MLLT3: variants seen among roughly 807,000 people sequenced by gnomAD.
MLLT3 encodes MLLT3 super elongation complex subunit, also known as protein AF-9.
MLLT3 carries 4 observed loss-of-function variants against 53.2 expected under a neutral mutation model. The observed-to-expected ratio is 0.08, with a 90% CI of 0.04 to 0.17. The LOEUF is 0.17. Among genes scored for constraint, MLLT3 ranks in the 10% least tolerant of loss-of-function variants. MLLT3 has a pLI of 1.00. For synonymous variants in MLLT3, 283 were observed against 230.6 expected (o/e 1.23, Z -2.06); for missense variants, 569 against 684.0 (o/e 0.83, Z 1.87).
In MLLT3 at chr9:20,448,257, T is replaced by C; in HGVS notation, c.286A>G (p.Arg96Gly). 6.2e-7 allele frequency: 1 copy of C among 1,612,816 alleles called. No individual in the cohort carries two copies. The highest frequency in any genetic ancestry group is 8.5e-7 in the Non-Finnish European group (1 of 1,179,366). Residue 96 changes from arginine to glycine, a missense_variant, in exon 4 of 11, where the codon AGG becomes GGG. By Grantham distance (125) the Arg-to-Gly change is moderately radical. Transcript: ENST00000380338. The surrounding 1 kb of genome is among the most constrained non-coding windows in gnomAD (Gnocchi z 4.0). ...EVYFKNKEEP[R>G]KVRFDYDLFL... Reference sequence around the variant, plus strand: ...AAGTCATAATCAAAGCGGACTTTCCTAGGTTCTTCCTGGAGGTTAACAAAA... The same window carrying C: ...AAGTCATAATCAAAGCGGACTTTCCCAGGTTCTTCCTGGAGGTTAACAAAA...
At chr9:20,413,265 C>T (rs1313706199) in intron 5 of MLLT3, among the ~76,000 whole-genome samples, 1 of 152,196 alleles carries the variant, frequency 6.6e-6, no homozygotes, top group African/African-American at 2.4e-5. Context: ...CACCAGCCTT[C>T]TATCAACATA....
chr9:20,565,972 ATATATATATATTTATT>A (rs1387631615), intron 2 of MLLT3, among the ~76,000 whole-genome samples: 6 of 20,028 alleles, frequency 3.0e-4, no homozygotes, highest in South Asian at 2.1e-3. Context: ...ATATATTTAT[ATATATATATATTTATT>A]TATATATTTA....
chr9:20,411,524 C>CTGTAAAGA (rs1403517711), intron 5 of MLLT3, among the ~76,000 whole-genome samples: 1 of 152,066 alleles, frequency 6.6e-6, no homozygotes, highest in Non-Finnish European at 1.5e-5. Context: ...ACAAATAGTA[C>CTGTAAAGA]CTGAAAGTCT....
Position 20,552,522 on chromosome 9 carries a change from C to CGTT in MLLT3, c.193+68129_193+68131dup, listed in dbSNP as rs772355170. Among the ~76,000 whole-genome samples, 18 of 151,934 alleles carry CGTT rather than the reference C, an allele frequency of 1.2e-4. 1 individual carries two copies. Among genetic ancestry groups the CGTT allele is most frequent in the Admixed American group, 7.2e-4 (11 of 15,256 alleles). On this transcript the variant is annotated intron_variant, in intron 2 of 10. Transcript: ENST00000380338. ...CTCCTTCCCAGTTTGTTGTTGTTAT[C>CGTT]GTTGTTGTTGTTGTTGGGGCAGAAT...
chr9:20,529,541 C>T (rs117384067), intron 2 of MLLT3, among the ~76,000 whole-genome samples: 1 of 152,042 alleles, frequency 6.6e-6, no homozygotes, highest in East Asian at 1.9e-4. Flanking sequence ...ATTTAATTGA[C>T]CTTTCTCTAA....
At chr9:20,428,397 TA>T (rs1262372832) in intron 4 of MLLT3, among the ~76,000 whole-genome samples, 1 of 151,980 alleles carries the variant, frequency 6.6e-6, no homozygotes, top group Non-Finnish European at 1.5e-5. Flanking sequence ...TGCTAAAATT[TA>T]AAAACGTTTT....
At chr9:20,572,012 A>G (rs1267304746) in intron 2 of MLLT3, among the ~76,000 whole-genome samples, 1 of 152,242 alleles carries the variant, frequency 6.6e-6, no homozygotes, top group African/African-American at 2.4e-5. Context: ...TGATCCACCA[A>G]TTTCACTTCT....
intron 2 of MLLT3, among the ~76,000 whole-genome samples, chr9:20,498,455 A>AAATCTTTTGCCCATTTTAT (rs1825137141): frequency 6.6e-6 from 1 of 151,976 alleles, no homozygotes; most frequent in African/African-American, 2.4e-5. Flanking sequence ...GTGTCTATTC[A>AAATCTTTTGCCCATTTTAT]AATCTTTTGC....
At chr9:20,556,476 A>C (rs1358794412) in intron 2 of MLLT3, among the ~76,000 whole-genome samples, 2 of 152,106 alleles carry the variant, frequency 1.3e-5, no homozygotes, top group African/African-American at 4.8e-5. Context: ...CAAGGTAAGG[A>C]GTTCGAGACC....
At chr9:20,519,507 C>T (rs1269537477) in intron 2 of MLLT3, among the ~76,000 whole-genome samples, 1 of 152,048 alleles carries the variant, frequency 6.6e-6, no homozygotes, top group Non-Finnish European at 1.5e-5. Flanking sequence ...ATATGATATA[C>T]AATGACGTAC....
intron 4 of MLLT3, among the ~76,000 whole-genome samples, chr9:20,435,230 G>T (rs988331028): frequency 1.6e-4 from 24 of 152,112 alleles, no homozygotes; most frequent in African/African-American, 4.6e-4. Flanking sequence ...CTTTTTTAGA[G>T]ACAGGGTCTC....
At chr9:20,450,242 C>T (rs988360491) in intron 3 of MLLT3, among the ~76,000 whole-genome samples, 4 of 152,140 alleles carry the variant, frequency 2.6e-5, no homozygotes, top group Non-Finnish European at 5.9e-5. Flanking sequence ...TTCAGATCTA[C>T]CTATCCTTTC....
Position 20,344,631 on chromosome 9 carries a change from T to A in MLLT3, c.*1812A>T, listed in dbSNP as rs183017738. ...TACACTTGTCCTCTGGGAGGACGCT[T>A]CAGAGAAATAATTTACAAGGAGCAT... On this transcript the variant is annotated 3_prime_UTR_variant, in exon 11 of 11. Coordinates refer to ENST00000380338, the MANE Select transcript of MLLT3 (RefSeq NM_004529.4). The A allele has an allele frequency of 2.9e-4, 61 of 209,554 alleles. No individual in the cohort carries two copies. The highest frequency in any genetic ancestry group is 3.9e-5 in the Non-Finnish European group (4 of 102,896). The allele number at this position is 209,554 out of a possible 1,614,324, so 13.0% of individuals were successfully genotyped here.
chr9:20,543,328 T>C (rs1193496553), intron 2 of MLLT3, among the ~76,000 whole-genome samples: 1 of 152,248 alleles, frequency 6.6e-6, no homozygotes, highest in Non-Finnish European at 1.5e-5. Context: ...CTTAATCATT[T>C]CTAGCTTTTA....
chr9:20,610,401 T>G (rs1011227289), intron 2 of MLLT3, among the ~76,000 whole-genome samples: 4 of 152,198 alleles, frequency 2.6e-5, no homozygotes, highest in East Asian at 1.9e-4. Context: ...CTAGAAAATG[T>G]GATTCTCAGC....
chr9:20,436,920 C>T (rs557520583), intron 4 of MLLT3, among the ~76,000 whole-genome samples: 19 of 152,078 alleles, frequency 1.2e-4, no homozygotes, highest in Non-Finnish European at 2.5e-4. Flanking sequence ...ATTTCTCATG[C>T]ATTATCTCAA....
At chr9:20,379,022 C>T (rs990411876) in intron 5 of MLLT3, among the ~76,000 whole-genome samples, 2 of 152,076 alleles carry the variant, frequency 1.3e-5, no homozygotes, top group Non-Finnish European at 2.9e-5. Context: ...ATAAGCCTAA[C>T]AGTTGCTTTT....
chr9:20,463,104 G>A (rs1278335750), intron 2 of MLLT3, among the ~76,000 whole-genome samples: 1 of 152,080 alleles, frequency 6.6e-6, no homozygotes, highest in Non-Finnish European at 1.5e-5. Context: ...GTAAAGGAGG[G>A]ATTATTGAAT....
chr9:20,561,949 G>C (rs1043620506), intron 2 of MLLT3, among the ~76,000 whole-genome samples: 4 of 151,540 alleles, frequency 2.6e-5, no homozygotes, highest in East Asian at 1.9e-4. Flanking sequence ...GGTTTGAGGG[G>C]TGGGGGGGCA....
Sources: allele counts gnomAD v4.1 joint callset (sites outside exome capture counted in the v4.1 genomes callset), GRCh38; gene constraint gnomAD v4.1.1; non-coding constraint Gnocchi (gnomAD v3.1); transcripts MANE v1.5; gene names NCBI Gene and HGNC (gene_info 2026-07-23, HGNC 2026-07-21).